Variants in DLGAP1 observed in about 807,000 individuals in gnomAD.
The protein encoded by DLGAP1 is disks large-associated protein 1.
Under a neutral mutation model 90.8 loss-of-function variants are expected in DLGAP1, and 11 were observed. The ratio of observed to expected loss-of-function variants is 0.12; its 90% confidence interval spans 0.08 to 0.20. The LOEUF (loss-of-function observed/expected upper bound fraction) is 0.20. DLGAP1 is among the 10% of genes least tolerant of loss of function. The probability of loss-of-function intolerance (pLI) is 1.00; values close to 1 mark genes in which losing one functional copy is unlikely to be tolerated. For synonymous variants in DLGAP1, 558 were observed against 540.7 expected, an observed-to-expected ratio of 1.03 and a Z score of -0.44; for missense variants, 1,050 against 1,333.8, an observed-to-expected ratio of 0.79 and a Z score of 3.31.
chr18:3,979,019 G>A (rs866067737), intron 3 of DLGAP1, among the ~76,000 whole-genome samples: 11 of 152,242 alleles, frequency 7.2e-5, no homozygotes, highest in Middle Eastern at 3.4e-3. Context: ...TAAATAAAAT[G>A]TGGTATATAT....
At chr18:4,013,265 T>C (rs927045477) in intron 2 of DLGAP1, among the ~76,000 whole-genome samples, 4 of 152,162 alleles carry the variant, frequency 2.6e-5, no homozygotes, top group African/African-American at 9.7e-5. Flanking sequence ...TCATTTAATA[T>C]TTAAAAAGCC....
At chr18:4,291,144 G>A (rs1211217648) in intron 1 of DLGAP1, among the ~76,000 whole-genome samples, 1 of 152,270 alleles carries the variant, frequency 6.6e-6, no homozygotes, top group East Asian at 1.9e-4. Flanking sequence ...TATGGGTGAT[G>A]GTATTTATGA....
intron 1 of DLGAP1, among the ~76,000 whole-genome samples, chr18:4,191,300 C>T (rs2077395578): frequency 1.3e-5 from 2 of 152,048 alleles, no homozygotes. Context: ...TTCCTTTAAC[C>T]TAGTAATTCA....
rs2049697642 is a variant in DLGAP1 at position 3,496,421 on chromosome 18, C to A, written c.*2764G>T. 1 of 152,090 alleles carries A rather than the reference C, an allele frequency of 6.6e-6. No individual in the cohort carries two copies. The highest frequency in any genetic ancestry group is 2.1e-4 in the South Asian group (1 of 4,826). The allele number at this position is 152,090 out of a possible 1,614,324, so 9.4% of individuals were successfully genotyped here. A position where few individuals can be genotyped will look rare whatever the true frequency, so the allele number is the denominator to read the frequency against. On this transcript the variant is annotated 3_prime_UTR_variant, in exon 13 of 13. Transcript: ENST00000315677. ...AGAAATATATTACAATAAATTAGTTCTATTTACCATTTCAAATATTAAAAA... is the reference window on the plus strand; with the variant it reads ...AGAAATATATTACAATAAATTAGTTATATTTACCATTTCAAATATTAAAAA...
chr18:4,430,682 T>A (rs1363103151), intron 1 of DLGAP1: 1 of 152,226 alleles, frequency 6.6e-6, no homozygotes, highest in Non-Finnish European at 1.5e-5. Context: ...TAGGGGAGGC[T>A]GATGGCAACT....
chr18:3,724,667 G>A (rs1036148891), intron 7 of DLGAP1, among the ~76,000 whole-genome samples: 2 of 152,042 alleles, frequency 1.3e-5, no homozygotes, highest in African/African-American at 4.8e-5. Flanking sequence ...ATCACTTGAG[G>A]CGGAGGTTGC....
chr18:3,567,667 CT>C, intron 8 of DLGAP1, 86 bp from the exon 9 acceptor site: 1 of 1,170,240 alleles, frequency 8.5e-7, no homozygotes, highest in Non-Finnish European at 1.3e-6. Flanking sequence ...AGAAAAATCT[CT>C]AATATGACTG....
chr18:3,513,277 TTCTGTTTATTTA>T (rs2050648501), intron 10 of DLGAP1, among the ~76,000 whole-genome samples: 1 of 152,208 alleles, frequency 6.6e-6, no homozygotes, highest in Admixed American at 6.5e-5. Flanking sequence ...TGAGTGTGAT[TTCTGTTTATTTA>T]TGTGTTTATT....
intron 7 of DLGAP1, among the ~76,000 whole-genome samples, chr18:3,583,165 CCTA>C (rs2055639966): frequency 2.2e-5 from 3 of 137,942 alleles, no homozygotes; most frequent in Non-Finnish European, 3.2e-5. Flanking sequence ...TACCTACCTA[CCTA>C]CCTACCTACC....
rs561534199 is a variant in DLGAP1, at chr18:3,561,312, T to C, written c.2057+6178A>G. Among the ~76,000 whole-genome samples, 3 of 147,012 alleles carry C rather than the reference T, an allele frequency of 2.0e-5. No homozygotes were observed. The East Asian group carries it at 5.9e-4, about 29-fold the overall frequency. On this transcript the variant is annotated intron_variant, in intron 9 of 12. Coordinates refer to ENST00000315677, the MANE Select transcript of DLGAP1 (RefSeq NM_004746.4). ...AAAATAGCCAGATGTGGCAGGTGCC[T>C]GTAATCCTAACTACTCAGGAGGCTG...
At chr18:3,550,893 C>G (rs990074532) in intron 9 of DLGAP1, among the ~76,000 whole-genome samples, 1 of 151,882 alleles carries the variant, frequency 6.6e-6, no homozygotes, top group Admixed American at 6.6e-5. Flanking sequence ...AGGGGCCCAC[C>G]ACCACGCCTG....
chr18:4,045,972 A>T (rs985038565), intron 2 of DLGAP1, among the ~76,000 whole-genome samples: 2 of 152,016 alleles, frequency 1.3e-5, no homozygotes, highest in African/African-American at 2.4e-5. Flanking sequence ...TAAAAACCAG[A>T]CACTACTTTA....
intron 3 of DLGAP1, among the ~76,000 whole-genome samples, chr18:3,940,179 A>G (rs1405217252): frequency 6.6e-6 from 1 of 152,204 alleles, no homozygotes; most frequent in Non-Finnish European, 1.5e-5. Context: ...GTGAGGAACT[A>G]AGGCCTCCTG....
chr18:3,903,264 C>A lies in DLGAP1; in HGVS notation c.-72-23124G>T, dbSNP rs574089781. ...TGAGCTGAAGAAATGAACAGCAAAC[C>A]CAGTAGAAAGTGAAGCTCACTGGGA... On this transcript the variant is annotated intron_variant, in intron 3 of 12. Coordinates refer to ENST00000315677, the MANE Select transcript of DLGAP1 (RefSeq NM_004746.4). 3.3e-5 allele frequency among the ~76,000 whole-genome samples: 5 copies of A among 152,214 alleles called. No individual in the cohort carries two copies. The East Asian group carries it at 9.7e-4, about 29-fold the overall frequency.
At chr18:3,921,320 A>T (rs1464767877) in intron 3 of DLGAP1, among the ~76,000 whole-genome samples, 1 of 152,236 alleles carries the variant, frequency 6.6e-6, no homozygotes, top group Non-Finnish European at 1.5e-5. Flanking sequence ...GAAAAAAAAT[A>T]AATGGGTATG....
intron 1 of DLGAP1, among the ~76,000 whole-genome samples, chr18:4,154,557 T>C (rs2076724827): frequency 6.6e-6 from 1 of 152,114 alleles, no homozygotes; most frequent in Non-Finnish European, 1.5e-5. Context: ...GAAGGAAGAA[T>C]ACACACTACA....
rs542633106 is a variant in DLGAP1 at position 3,923,239 on chromosome 18, T to C, written c.-72-43099A>G. 1.4e-4 allele frequency among the ~76,000 whole-genome samples: 21 copies of C among 152,124 alleles called. No individual in the cohort carries two copies. The South Asian group carries it at 4.2e-3, about 30-fold the overall frequency. ...AGAAGAACAGGGTCTTCTCCAGTCT[T>C]ACCAGTCCTGGGTATAATAAACTCT... On this transcript the variant is annotated intron_variant, in intron 3 of 12. Transcript: ENST00000315677.
chr18:3,825,469 T>G (rs1168452725), intron 4 of DLGAP1, among the ~76,000 whole-genome samples: 3 of 152,210 alleles, frequency 2.0e-5, no homozygotes, highest in Non-Finnish European at 4.4e-5. Context: ...ATCTCTACAT[T>G]CCTTGTAATA....
At chr18:3,993,883 T>G (rs2074017100) in intron 3 of DLGAP1, among the ~76,000 whole-genome samples, 1 of 152,122 alleles carries the variant, frequency 6.6e-6, no homozygotes, top group African/African-American at 2.4e-5. Context: ...AAAGTTTTAG[T>G]TTTTTATAGA....
Sources: gnomAD v4.1 joint callset for allele counts (sites outside exome capture counted in the v4.1 genomes callset) on GRCh38, gnomAD v4.1.1 for gene constraint, MANE v1.5 for transcripts, NCBI Gene and HGNC (gene_info 2026-07-23, HGNC 2026-07-21) for gene names.